Variants in FCAMR observed in about 807,000 individuals in gnomAD.
FCAMR encodes the protein Fc alpha and mu receptor, also known as high affinity immunoglobulin alpha and immunoglobulin mu Fc receptor.
A neutral mutation model predicts 52.2 loss-of-function variants in FCAMR; 51 were observed. The ratio of observed to expected loss-of-function variants is 0.98; its 90% CI spans 0.78 to 1.23. FCAMR has a LOEUF of 1.23. FCAMR is among the 50% of genes most tolerant of loss of function. FCAMR has a pLI of 0.00. For missense variants in FCAMR, 719 were observed against 712.6 expected (o/e 1.01, Z -0.10); for synonymous variants, 282 against 262.0 (o/e 1.08, Z -0.74).
chr1:206,962,448 C>T lies in FCAMR; in HGVS notation c.417G>A (p.Arg139=). ...YAPSSVNRHQ[R]KYWCRLGPPR... ...GGGGCCCCAGACGGCACCAGTACTTCCTCTGGTGCCTGTTGACAGATGAGG... is the reference window on the plus strand; with the variant it reads ...GGGGCCCCAGACGGCACCAGTACTTTCTCTGGTGCCTGTTGACAGATGAGG... The change falls in exon 5 of 8, where the codon AGG becomes AGA. Residue 139 remains arginine, a synonymous_variant. Coordinates refer to ENST00000324852, the MANE Select transcript of FCAMR (RefSeq NM_001170631.2). 6.2e-7 allele frequency: 1 copy of T among 1,613,968 alleles called. No homozygotes were observed. The highest frequency in any genetic ancestry group is 8.5e-7 in the Non-Finnish European group (1 of 1,179,856).
intron 7 of FCAMR, 147 bp downstream of exon 7, chr1:206,959,532 C>T (rs1219553452): frequency 3.6e-6 from 2 of 552,710 alleles, no homozygotes; most frequent in African/African-American, 1.9e-5. Flanking sequence ...GAAAAGAAAC[C>T]AAGGCCAAGA....
In FCAMR at chr1:206,969,146, C is replaced by T. The variant is rs543506506; in HGVS notation, c.39+941G>A. The T allele has an allele frequency of 1.5e-5, 5 of 327,464 alleles. No individual in the cohort carries two copies. In the East Asian group the frequency reaches 4.4e-4, roughly 29 times the overall value. The allele number at this position is 327,464 out of a possible 1,614,324, so 20.3% of individuals were successfully genotyped here. A position where few individuals can be genotyped will look rare whatever the true frequency, so the allele number is the denominator to read the frequency against. Reference sequence around the variant, plus strand: ...GTCCTGGCTGATTCTGGGGCTGGTACCTAGACTCCCCCGGGTGAATTTTTC... The same window carrying T: ...GTCCTGGCTGATTCTGGGGCTGGTATCTAGACTCCCCCGGGTGAATTTTTC... On this transcript the variant is annotated intron_variant, in intron 1 of 7. Transcript: ENST00000324852.
At chr1:206,970,548 G>A (rs192185345), upstream of FCAMR, 527 of 154,546 alleles carry the variant, frequency 3.4e-3, 2 homozygotes, top group Non-Finnish European at 5.1e-3. Flanking sequence ...CAACAACTTG[G>A]GCAGGAGGGC....
chr1:206,963,404 TCTCA>T (rs1680584091), intron 4 of FCAMR, among the ~76,000 whole-genome samples: 1 of 152,186 alleles, frequency 6.6e-6, no homozygotes, highest in Non-Finnish European at 1.5e-5. Flanking sequence ...TCATTCTTTC[TCTCA>T]CTGCCTCTTC....
In FCAMR at chr1:206,965,709, T is replaced by G; in HGVS notation, c.313+6A>C. The stretch of plus-strand genomic sequence containing the variant: ...TGGTCGAACAAAGGGAGAGTAGGGG[T>G]TGTACCTGCAAAGGAGCTCTCCTCC... On this transcript the variant is annotated splice_donor_region_variant and intron_variant, in intron 4 of 7. Coordinates refer to ENST00000324852, the MANE Select transcript of FCAMR (RefSeq NM_001170631.2). 6.4e-7 allele frequency: 1 copy of G among 1,560,062 alleles called. No homozygotes were observed. Among genetic ancestry groups the G allele is most frequent in the East Asian group, 2.3e-5 (1 of 42,764 alleles).
chr1:206,970,036 C>G, intron 1 of FCAMR, 51 bp downstream of exon 1: 1 of 1,609,694 alleles, frequency 6.2e-7, no homozygotes, highest in Non-Finnish European at 8.5e-7. Flanking sequence ...GCAGTTCACC[C>G]CCCACATTCA....
In FCAMR at chr1:206,960,849, C is replaced by T. The variant is rs530110722; in HGVS notation, c.1027G>A (p.Asp343Asn). ...SVTNRARASK[D>N]RREMTTTKAD... ...TTGGTAGTTGTCATCTCCCTCCTGT[C>T]CTTGCTGGCTCTAGCCCTGTTTGTC... The change falls in exon 6 of 8, where the codon GAC becomes AAC. Residue 343 changes from aspartate to asparagine, a missense_variant. Transcript: ENST00000324852. The T allele has an allele frequency of 9.7e-6, 15 of 1,552,426 alleles. No homozygotes were observed. Among genetic ancestry groups the T allele is most frequent in the African/African-American group, 2.7e-5 (2 of 73,174 alleles).
chr1:206,970,460 T>C lies in FCAMR; in HGVS notation c.-335A>G, dbSNP rs774401059. On this transcript the variant is annotated 5_prime_UTR_variant, in exon 1 of 8. Transcript: ENST00000324852. ...CTGATCCATATCCTTCCTCCTCTTG[T>C]GTCCCCTTCAGGGGTCTCAGACTAT... The C allele has an allele frequency of 9.0e-6, 2 of 223,398 alleles. No individual in the cohort carries two copies. 13.8% of individuals were successfully genotyped at this position (223,398 alleles called of 1,614,324 possible). A position where few individuals can be genotyped will look rare whatever the true frequency, so the allele number is the denominator to read the frequency against.
chr1:206,960,512 G>A lies in FCAMR; in HGVS notation c.1364C>T (p.Ala455Val), dbSNP rs746501493. The change falls in exon 6 of 8, where the codon GCC becomes GTC. Residue 455 changes from alanine to valine, a missense_variant. Ala to Val is a moderately conservative substitution (Grantham distance 64, BLOSUM62 0). Coordinates refer to ENST00000324852, the MANE Select transcript of FCAMR (RefSeq NM_001170631.2). ...TGCTTGGGGACCTCTGTCTCCAGTG[G>A]CAGCATCTAGGTCCCCTGCAGCGCT... ...EGSAAGDLDA[A>V]TGDRGPQATL... 3.9e-6 allele frequency: 6 copies of A among 1,551,302 alleles called. No homozygotes were observed. Among genetic ancestry groups the A allele is most frequent in the Admixed American group, 2.0e-5 (1 of 50,960 alleles).
chr1:206,961,805 G>A (rs1680518181), intron 5 of FCAMR, among the ~76,000 whole-genome samples: 1 of 152,228 alleles, frequency 6.6e-6, no homozygotes, highest in African/African-American at 2.4e-5. Context: ...GCAAGAGTCT[G>A]TGTGAAGGAC....
Position 206,970,266 on chromosome 1 carries a change from C to T in FCAMR, c.-141G>A, listed in dbSNP as rs533525332. On this transcript the variant is annotated 5_prime_UTR_variant, in exon 1 of 8. Coordinates refer to ENST00000324852, the MANE Select transcript of FCAMR (RefSeq NM_001170631.2). ...TTTGGAAAGCAGCTGGAGCTAGCAA[C>T]GGAAGGTCGGGGTGCAAGGCGTAGC... 1.7e-5 allele frequency: 15 copies of T among 893,550 alleles called. No individual in the cohort carries two copies. Among genetic ancestry groups the T allele is most frequent in the Middle Eastern group, 2.2e-4 (1 of 4,480 alleles). The allele number at this position is 893,550 out of a possible 1,614,324, so 55.4% of individuals were successfully genotyped here.
Position 206,960,458 on chromosome 1 carries a change from G to T in FCAMR, c.1418C>A (p.Pro473His), listed in dbSNP as rs1176600567. The T allele has an allele frequency of 1.3e-6, 2 of 1,527,138 alleles. No homozygotes were observed. Among genetic ancestry groups the T allele is most frequent in the East Asian group, 2.5e-5 (1 of 40,660 alleles). 94.6% of individuals were successfully genotyped at this position (1,527,138 alleles called of 1,614,324 possible). A position where few individuals can be genotyped will look rare whatever the true frequency, so the allele number is the denominator to read the frequency against. The change falls in exon 6 of 8, where the codon CCC becomes CAC. Residue 473 changes from proline (P) to histidine (H), a missense_variant. Pro to His is a moderately conservative substitution (Grantham distance 77). Transcript: ENST00000324852. ...GGACTCCTTGCCAGGGGGTCCCCAG[G>T]GTCCTACTGCCGGGGTCTGGCTCAG... ...ATLSQTPAVG[P>H]WGPPGKESSV...
chr1:206,962,882 G>A (rs1175853446), intron 4 of FCAMR, among the ~76,000 whole-genome samples: 1 of 152,134 alleles, frequency 6.6e-6, no homozygotes, highest in Non-Finnish European at 1.5e-5. Context: ...ACATGAGAGG[G>A]CTGAGGCAAC....
At chr1:206,960,348 G>T (rs1680452249) in intron 6 of FCAMR, 74 bp downstream of exon 6, 1 of 1,384,230 alleles carries the variant, frequency 7.2e-7, no homozygotes, top group Non-Finnish European at 9.6e-7. Context: ...AGCAGAGGGA[G>T]AGGGGCCTCC....
At chr1:206,966,273 G>A (rs986366572) in intron 3 of FCAMR, among the ~76,000 whole-genome samples, 2 of 152,234 alleles carry the variant, frequency 1.3e-5, no homozygotes, top group African/African-American at 2.4e-5. Context: ...GAAAAATCAT[G>A]GGCCTGCCTG....
intron 2 of FCAMR, 44 bp downstream of exon 2, chr1:206,967,539 G>C (rs1406779585): frequency 6.3e-7 from 1 of 1,580,624 alleles, no homozygotes; most frequent in African/African-American, 1.3e-5. Context: ...TTCCTTTTCA[G>C]GAGAATGAAG....
chr1:206,970,206 C>T lies in FCAMR; in HGVS notation c.-81G>A. ...GTTTGGACGACTTCTAGTTGCTCTCCTTTAAACCTGGAGACTGAGAAGTCA... is the reference window on the plus strand; with the variant it reads ...GTTTGGACGACTTCTAGTTGCTCTCTTTTAAACCTGGAGACTGAGAAGTCA... On this transcript the variant is annotated 5_prime_UTR_variant, in exon 1 of 8. Transcript: ENST00000324852. 2 of 1,516,512 alleles carry T rather than the reference C, an allele frequency of 1.3e-6. No homozygotes were observed. The allele number at this position is 1,516,512 out of a possible 1,614,324, so 93.9% of individuals were successfully genotyped here.
chr1:206,958,527 G>A lies in FCAMR; in HGVS notation c.1723C>T (p.Pro575Ser), dbSNP rs1371828177. The A allele has an allele frequency of 3.1e-6, 5 of 1,612,300 alleles. No individual in the cohort carries two copies. Among genetic ancestry groups the A allele is most frequent in the Non-Finnish European group, 4.2e-6 (5 of 1,179,730 alleles). Residue 575 changes from proline (P) to serine (S), a missense_variant, in exon 8 of 8, where the codon CCA (proline) becomes TCA (serine). Transcript: ENST00000324852. ...GASLTAPERN[P>S]GP ...CATCTCTCTGTCCCTCAGGGTCCTG[G>A]ATTTCTCTCTGGGGCAGTCAGGCTG...
Position 206,960,740 on chromosome 1 carries a change from G to T in FCAMR, c.1136C>A (p.Pro379Gln). Residue 379 changes from proline (P) to glutamine (Q), a missense_variant, in exon 6 of 8, where the codon CCA becomes CAA. Physicochemically the swap from Pro to Gln is moderately conservative, Grantham distance 76 (BLOSUM62 -1). Coordinates refer to ENST00000324852, the MANE Select transcript of FCAMR (RefSeq NM_001170631.2). Reference protein sequence around the residue: ...AKKVLGTIGPPALVSETLAWE... With the variant: ...AKKVLGTIGPQALVSETLAWE... ...GGCCAAAGTTTCTGAGACCAGAGCT[G>T]GTGGCCCAATGGTTCCTAGGACCTT... 6.4e-7 allele frequency: 1 copy of T among 1,552,398 alleles called. No individual in the cohort carries two copies. The highest frequency in any genetic ancestry group is 1.4e-5 in the African/African-American group (1 of 73,170).
Sources: allele counts gnomAD v4.1 joint callset (sites outside exome capture counted in the v4.1 genomes callset), GRCh38; gene constraint gnomAD v4.1.1; transcripts MANE v1.5; gene names NCBI Gene and HGNC (gene_info 2026-07-23, HGNC 2026-07-21).